Variants in CHD7 observed in about 807,000 individuals in gnomAD.
CHD7 encodes ATP-dependent chromatin remodeler CHD7.
In CHD7, 24 loss-of-function variants were observed where a neutral mutation model predicts 307.3. The ratio of observed to expected loss-of-function variants is 0.08; its 90% CI spans 0.06 to 0.11. The LOEUF is 0.11. Ranked by LOEUF, CHD7 falls within the 10% of genes least tolerant of loss-of-function variation. The pLI is 1.00. For synonymous variants in CHD7, 1,363 were observed against 1,349.9 expected, an observed-to-expected ratio of 1.01 and a Z score of -0.21; for missense variants, 3,106 against 3,727.1, an observed-to-expected ratio of 0.83 and a Z score of 4.34.
intron 1 of CHD7, among the ~76,000 whole-genome samples, chr8:60,709,397 GCAGCCAGCAAA>G (rs1314180239): frequency 1.3e-5 from 2 of 152,142 alleles, no homozygotes; most frequent in African/African-American, 4.8e-5. Flanking sequence ...TATTCCTGTA[GCAGCCAGCAAA>G]CAGCTTAGAA....
At chr8:60,829,100 G>T (rs1480678284) in intron 14 of CHD7, among the ~76,000 whole-genome samples, 1 of 152,192 alleles carries the variant, frequency 6.6e-6, no homozygotes, top group Non-Finnish European at 1.5e-5. Flanking sequence ...GTTTTGCTAG[G>T]TATGTGTAAT....
At position 60,862,434 on chromosome 8, in the gene CHD7, T is replaced by C. The variant is rs375636741; in HGVS notation, c.7971+98T>C. The C allele has an allele frequency of 9.4e-6, 14 of 1,481,904 alleles. No individual in the cohort carries two copies. The East Asian group carries it at 2.9e-4, about 31-fold the overall frequency. The allele number at this position is 1,481,904 out of a possible 1,614,324, so 91.8% of individuals were successfully genotyped here. A position where few individuals can be genotyped will look rare whatever the true frequency, so the allele number is the denominator to read the frequency against. On this transcript the variant is annotated intron_variant, in intron 36 of 37. Coordinates refer to ENST00000423902, the MANE Select transcript of CHD7 (RefSeq NM_017780.4). ...TTCTATAGGGGAAAAGAATCCTGTC[T>C]GCCCGAATGCGTGTGTGCGTGTATG... is the stretch of plus-strand genomic sequence containing the variant.
chr8:60,852,149 G>C lies in CHD7; in HGVS notation c.5796G>C (p.Glu1932Asp). The C allele has an allele frequency of 6.2e-7, 1 of 1,614,010 alleles. No homozygotes were observed. Among genetic ancestry groups the C allele is most frequent in the Non-Finnish European group, 8.5e-7 (1 of 1,179,898 alleles). The part of the protein sequence containing the change: ...RSYKRQQMRQ[E>D]ALMKTDRRRR... ...ATAAAAGGCAACAGATGAGGCAAGAGGCCCTAATGAAGACTGACCGGCGCA... is the reference window on the plus strand; with the variant it reads ...ATAAAAGGCAACAGATGAGGCAAGACGCCCTAATGAAGACTGACCGGCGCA... Residue 1932 changes from glutamate to aspartate, a missense_variant, in exon 29 of 38, where the codon GAG (glutamate) becomes GAC (aspartate). Physicochemically the swap from Glu to Asp is conservative, Grantham distance 45. Around this residue, in one of 10 missense-constraint regions of CHD7, gnomAD observed 1,030 missense variants for 1,165.4 expected, o/e 0.88. Transcript: ENST00000423902.
intron 23 of CHD7, among the ~76,000 whole-genome samples, 182 bp downstream of exon 23, chr8:60,845,591 T>C (rs1361627731): frequency 6.6e-6 from 1 of 152,324 alleles, no homozygotes; most frequent in Admixed American, 6.5e-5. Flanking sequence ...CTCCCGCGGA[T>C]ATGGAGGGAC....
chr8:60,844,816 A>G, intron 21 of CHD7, 48 bp from the exon 22 acceptor site: 1 of 1,474,796 alleles, frequency 6.8e-7, no homozygotes, highest in Non-Finnish European at 9.1e-7. Flanking sequence ...GTAAAGCCAT[A>G]AATCAAAACT....
At chr8:60,761,399 A>T (rs560417173) in intron 2 of CHD7, among the ~76,000 whole-genome samples, 4 of 151,364 alleles carry the variant, frequency 2.6e-5, no homozygotes, top group Admixed American at 2.0e-4. Context: ...GCTAAATGAC[A>T]AGTTAATGGG....
At chr8:60,721,170 C>A (rs915411102) in intron 1 of CHD7, among the ~76,000 whole-genome samples, 2 of 152,188 alleles carry the variant, frequency 1.3e-5, no homozygotes, top group African/African-American at 4.8e-5. Context: ...AGCCCCTAAT[C>A]CCCAAGGCAA....
intron 23 of CHD7, among the ~76,000 whole-genome samples, chr8:60,847,181 G>A (rs572639481): frequency 6.6e-6 from 1 of 152,358 alleles, no homozygotes; most frequent in South Asian, 2.1e-4. Context: ...AACCCATGCT[G>A]GCCGTGAGTA....
intron 3 of CHD7, among the ~76,000 whole-genome samples, chr8:60,785,287 C>G (rs1329195714): frequency 1.3e-5 from 2 of 152,248 alleles, no homozygotes; most frequent in East Asian, 1.9e-4. Flanking sequence ...TAGAACAACA[C>G]AGACTTGCTG....
At position 60,836,243 on chromosome 8, in the gene CHD7, C is replaced by T. The variant is rs373301291; in HGVS notation, c.3949C>T (p.Arg1317Cys). 6.5e-5 allele frequency: 105 copies of T among 1,613,836 alleles called. No individual in the cohort carries two copies. Among genetic ancestry groups the T allele is most frequent in the Non-Finnish European group, 7.8e-5 (92 of 1,179,936 alleles). The change falls in exon 16 of 38, where the codon CGC (arginine) becomes TGC (cysteine). Residue 1317 changes from arginine (R) to cysteine (C), a missense_variant. Coordinates refer to ENST00000423902, the MANE Select transcript of CHD7 (RefSeq NM_017780.4). ...HRVLIFSQMV[R>C]CLDILEDYLI... ...GGTGCTTATCTTTTCCCAGATGGTG[C>T]GCTGCTTGGACATACTGGAAGACTA... is the stretch of plus-strand genomic sequence containing the variant.
At chr8:60,759,216 T>G (rs964884082) in intron 2 of CHD7, among the ~76,000 whole-genome samples, 2 of 152,194 alleles carry the variant, frequency 1.3e-5, no homozygotes, top group Non-Finnish European at 2.9e-5. Flanking sequence ...TAACTGTGTT[T>G]GGGAGTGGGA....
chr8:60,845,530 G>T, intron 23 of CHD7, 121 bp downstream of exon 23: 3 of 1,078,734 alleles, frequency 2.8e-6, no homozygotes, highest in Non-Finnish European at 4.0e-6. Flanking sequence ...GTCAACTGAG[G>T]GACCTGAGCA....
rs562150983 is a variant in CHD7 at position 60,865,953 on chromosome 8, A to G, written c.*20A>G. On this transcript the variant is annotated 3_prime_UTR_variant, in exon 38 of 38. Coordinates refer to ENST00000423902, the MANE Select transcript of CHD7 (RefSeq NM_017780.4). The surrounding 1 kb of genome is among the most constrained non-coding windows in gnomAD (Gnocchi z 4.3). ...GAATAACCAGTACCAGTTCCAGTTC[A>G]AGTGTTTAAAACTTTTGACAAGTGG... 4 of 1,572,432 alleles carry G rather than the reference A, an allele frequency of 2.5e-6. No individual in the cohort carries two copies. In the African/African-American group the frequency reaches 4.1e-5, roughly 16 times the overall value.
chr8:60,813,890 G>C (rs1391900272), intron 7 of CHD7, among the ~76,000 whole-genome samples: 1 of 151,670 alleles, frequency 6.6e-6, no homozygotes, highest in South Asian at 2.1e-4. Flanking sequence ...TAAGGGATAT[G>C]CTCTTTCTTT....
rs115373158 is a variant in CHD7, at chr8:60,816,990, T to C, written c.2613+489T>C. On this transcript the variant is annotated intron_variant, in intron 8 of 37. Coordinates refer to ENST00000423902, the MANE Select transcript of CHD7 (RefSeq NM_017780.4). ...TGTAGTGTAGAAACTGGTAATAATA[T>C]CTTTGCCTGTGTCCCTTTATCCCAG... Among the ~76,000 whole-genome samples, 515 of 152,340 alleles carry C rather than the reference T, an allele frequency of 3.4e-3. 5 individuals carry two copies. The highest frequency in any genetic ancestry group is 0.012 in the African/African-American group (491 of 41,582).
chr8:60,856,975 C>G, intron 34 of CHD7, 87 bp downstream of exon 34: 2 of 1,237,064 alleles, frequency 1.6e-6, no homozygotes, highest in South Asian at 1.6e-5. Context: ...CTGTGTTTCT[C>G]TCAGCAGCAT....
chr8:60,684,783 G>A (rs191533620), intron 1 of CHD7, among the ~76,000 whole-genome samples: 2 of 152,312 alleles, frequency 1.3e-5, no homozygotes, highest in Non-Finnish European at 2.9e-5. Flanking sequence ...AGCAGCCTTT[G>A]ACACGAGCAG....
intron 23 of CHD7, among the ~76,000 whole-genome samples, chr8:60,846,598 A>G (rs569629119): frequency 1.3e-5 from 2 of 152,258 alleles, no homozygotes; most frequent in Non-Finnish European, 2.9e-5. Flanking sequence ...TGGTGAGTCC[A>G]GTAGACCTCG....
At position 60,742,827 on chromosome 8, in the gene CHD7, C is replaced by T. The variant is rs747525292; in HGVS notation, c.1395C>T (p.Ser465=). ...MQQSRPFIGM[S]SAPRELTGHM... The stretch of plus-strand genomic sequence containing the variant: ...AGTCTCGTCCATTTATAGGCATGTC[C>T]TCGGCACCAAGGGAATTGACTGGGC... The change falls in exon 2 of 38, where the codon TCC becomes TCT. Residue 465 remains serine, a synonymous_variant. Coordinates refer to ENST00000423902, the MANE Select transcript of CHD7 (RefSeq NM_017780.4). 1.9e-6 allele frequency: 3 copies of T among 1,613,572 alleles called. No homozygotes were observed. The highest frequency in any genetic ancestry group is 2.7e-5 in the African/African-American group (2 of 74,928).
Sources: gnomAD v4.1 joint callset for allele counts (sites outside exome capture counted in the v4.1 genomes callset) on GRCh38, gnomAD v4.1.1 for gene constraint, gnomAD v4.1.1 regional missense constraint, Gnocchi (gnomAD v3.1) non-coding constraint, MANE v1.5 for transcripts, NCBI Gene and HGNC (gene_info 2026-07-23, HGNC 2026-07-21) for gene names.